LRP5: variants seen among roughly 807,000 people sequenced by gnomAD.
LRP5 encodes LDL receptor related protein 5.
A neutral mutation model predicts 154.1 loss-of-function variants in LRP5; 62 were observed. The ratio of observed to expected loss-of-function variants is 0.40; its 90% CI spans 0.33 to 0.50. The LOEUF is 0.50. Ranked by LOEUF, LRP5 falls within the 20% of genes least tolerant of loss-of-function variation. LRP5 has a pLI of 0.55. For missense variants in LRP5, 1,915 were observed against 2,336.7 expected (o/e 0.82, Z 3.72); for synonymous variants, 966 against 1,011.5 (o/e 0.96, Z 0.85).
chr11:68,300,426 CAG>C, the LRP5 span, among the ~76,000 whole-genome samples: 2 of 149,246 alleles, frequency 1.3e-5, no homozygotes, highest in Admixed American at 6.7e-5. Flanking sequence ...TTGGAGGAAT[CAG>C]GGGCATTAAG....
At chr11:68,365,793 C>A in intron 5 of LRP5, 91 bp downstream of exon 5, 1 of 1,293,138 alleles carries the variant, frequency 7.7e-7, no homozygotes. Flanking sequence ...GAAGGAACCT[C>A]GGCAAACCCG....
In LRP5 at chr11:68,353,478, G is replaced by A. The variant is rs370279985; in HGVS notation, c.489-4172G>A. ...GGAGAGGATTCCAGCCTGTCACAGCGCCCGCGGCAGCAACCCCTGCTCGCC... is the reference window on the plus strand; with the variant it reads ...GGAGAGGATTCCAGCCTGTCACAGCACCCGCGGCAGCAACCCCTGCTCGCC... On this transcript the variant is annotated intron_variant, in intron 2 of 22. Transcript: ENST00000294304. This position sits in a 1 kb window ranked among gnomAD's most constrained non-coding sequence, Gnocchi z 4.5. Among the ~76,000 whole-genome samples, 7 of 152,162 alleles carry A rather than the reference G, an allele frequency of 4.6e-5. No individual in the cohort carries two copies. The highest frequency in any genetic ancestry group is 1.9e-4 in the East Asian group (1 of 5,196).
At chr11:68,350,364 C>T (rs2098617220) in intron 2 of LRP5, among the ~76,000 whole-genome samples, 1 of 152,224 alleles carries the variant, frequency 6.6e-6, no homozygotes, top group Admixed American at 6.5e-5. Context: ...GTTAGAAAGT[C>T]CCAGGAGTGG....
At chr11:68,419,088 T>G (rs2098664095) in intron 13 of LRP5, among the ~76,000 whole-genome samples, 1 of 152,218 alleles carries the variant, frequency 6.6e-6, no homozygotes, top group African/African-American at 2.4e-5. Flanking sequence ...ACTCTGGCTT[T>G]GATTCTTTAT....
intron 5 of LRP5, 104 bp downstream of exon 5, chr11:68,365,806 C>A: frequency 2.6e-6 from 3 of 1,172,976 alleles, no homozygotes; most frequent in Non-Finnish European, 3.6e-6. Context: ...CAAACCCGTT[C>A]GAAATGATCC....
chr11:68,427,477 C>T (rs935292710), intron 16 of LRP5, among the ~76,000 whole-genome samples: 3 of 152,096 alleles, frequency 2.0e-5, no homozygotes, highest in African/African-American at 4.8e-5. Context: ...GTTGGGAGTT[C>T]GAGACCAGCC....
At chr11:68,308,299 G>A (rs1257305781), upstream of LRP5, among the ~76,000 whole-genome samples, 3 of 152,136 alleles carry the variant, frequency 2.0e-5, no homozygotes, top group Non-Finnish European at 1.5e-5. Flanking sequence ...GAGCCAGCAC[G>A]TTCCAGCCTG....
chr11:68,394,220 G>A (rs2098647935), intron 7 of LRP5, among the ~76,000 whole-genome samples: 1 of 152,194 alleles, frequency 6.6e-6, no homozygotes, highest in African/African-American at 2.4e-5. Context: ...GACTGGAGTA[G>A]GACAGGGGGT....
chr11:68,422,858 C>T (rs1485626714), intron 13 of LRP5, among the ~76,000 whole-genome samples: 7 of 151,046 alleles, frequency 4.6e-5, no homozygotes, highest in Non-Finnish European at 7.4e-5. Flanking sequence ...CCCACTCACC[C>T]GCCCCTGCAC....
intron 7 of LRP5, among the ~76,000 whole-genome samples, chr11:68,394,118 A>G (rs1424305376): frequency 6.6e-6 from 1 of 152,116 alleles, no homozygotes; most frequent in African/African-American, 2.4e-5. Flanking sequence ...TCAGATGAGA[A>G]CACCGAAGCT....
chr11:68,431,879 G>A (rs2098672110), intron 17 of LRP5, among the ~76,000 whole-genome samples: 1 of 93,430 alleles, frequency 1.1e-5, no homozygotes, highest in South Asian at 5.6e-4. Flanking sequence ...CCCTGGCCTG[G>A]GCCCTGGCCC....
chr11:68,444,577 A>AC (rs1487934577), intron 21 of LRP5, among the ~76,000 whole-genome samples: 1 of 50,808 alleles, frequency 2.0e-5, no homozygotes, highest in Non-Finnish European at 3.6e-5. Context: ...CCCACCCCCC[A>AC]CCCCCCACCC....
At chr11:68,409,077 T>G (rs1282418670) in intron 9 of LRP5, among the ~76,000 whole-genome samples, 1 of 37,104 alleles carries the variant, frequency 2.7e-5, no homozygotes. Context: ...AAAAAAAATA[T>G]ATATATATAT....
At chr11:68,328,493 C>T (rs2098600919) in intron 1 of LRP5, among the ~76,000 whole-genome samples, 1 of 152,226 alleles carries the variant, frequency 6.6e-6, no homozygotes, top group African/African-American at 2.4e-5. Flanking sequence ...ACCTTTGTAA[C>T]CACACAGGGG....
Position 68,438,342 on chromosome 11 carries a change from C to A in LRP5, c.4112-104C>A, listed in dbSNP as rs2098676168. 6 of 1,109,080 alleles carry A rather than the reference C, an allele frequency of 5.4e-6. No individual in the cohort carries two copies. In the South Asian group the frequency reaches 7.4e-5, roughly 14 times the overall value. 68.7% of individuals were successfully genotyped at this position (1,109,080 alleles called of 1,614,324 possible). Reference sequence around the variant, plus strand: ...CCCCCACTTTCTCCCCACCCTCCACCAGTGGCAAAGCCAGCCCCTTCAGGG... The same window carrying A: ...CCCCCACTTTCTCCCCACCCTCCACAAGTGGCAAAGCCAGCCCCTTCAGGG... On this transcript the variant is annotated intron_variant, in intron 19 of 22. Coordinates refer to ENST00000294304, the MANE Select transcript of LRP5 (RefSeq NM_002335.4).
chr11:68,364,358 A>ATGTGTGTGTGTGTGTGTG (rs113821152), intron 4 of LRP5, among the ~76,000 whole-genome samples: 3 of 145,422 alleles, frequency 2.1e-5, no homozygotes, highest in South Asian at 2.2e-4. Context: ...ATACATATAT[A>ATGTGTGTGTGTGTGTGTG]TGTGTGTGTG....
At chr11:68,422,979 C>T (rs891391124) in intron 13 of LRP5, among the ~76,000 whole-genome samples, 10 of 152,096 alleles carry the variant, frequency 6.6e-5, no homozygotes, top group Non-Finnish European at 1.5e-4. Flanking sequence ...AACTGTCTGT[C>T]CTGGTGCCCT....
intron 5 of LRP5, among the ~76,000 whole-genome samples, chr11:68,369,988 C>T (rs2098633167): frequency 1.3e-5 from 2 of 152,188 alleles, no homozygotes; most frequent in South Asian, 2.1e-4. Context: ...TGACCGGCGC[C>T]TTAGGTGCTG....
chr11:68,446,882 A>T, intron 22 of LRP5: 1 of 343,050 alleles, frequency 2.9e-6, no homozygotes, highest in Non-Finnish European at 5.7e-6. Flanking sequence ...GGCTGTGGAA[A>T]CCTAGCCATT....
Sources: gnomAD v4.1 joint callset for allele counts (sites outside exome capture counted in the v4.1 genomes callset) on GRCh38, gnomAD v4.1.1 for gene constraint, Gnocchi (gnomAD v3.1) non-coding constraint, MANE v1.5 for transcripts, NCBI Gene and HGNC (gene_info 2026-07-23, HGNC 2026-07-21) for gene names.